The following PPFIA2 variants were observed in gnomAD, a reference collection of about 807,000 sequenced individuals.
PPFIA2 encodes liprin-alpha-2.
A neutral mutation model predicts 175.5 loss-of-function variants in PPFIA2; 46 were observed. The observed-to-expected ratio is 0.26, with a 90% CI of 0.21 to 0.34. The LOEUF (loss-of-function observed/expected upper bound fraction) is 0.34. Among genes scored for constraint, PPFIA2 ranks in the 10% least tolerant of loss-of-function variants. PPFIA2 has a pLI of 1.00. For synonymous variants in PPFIA2, 568 were observed against 511.4 expected (o/e 1.11, Z -1.49); for missense variants, 1,179 against 1,506.1 (o/e 0.78, Z 3.60).
intron 21 of PPFIA2, 65 bp downstream of exon 21, chr12:81,339,115 T>G: frequency 7.6e-7 from 1 of 1,308,224 alleles, no homozygotes; most frequent in Non-Finnish European, 1.0e-6. Context: ...AAATGAAAGA[T>G]AGATGGATAC....
intron 4 of PPFIA2, among the ~76,000 whole-genome samples, chr12:81,623,237 T>A (rs1279902201): frequency 6.6e-6 from 1 of 152,046 alleles, no homozygotes; most frequent in Non-Finnish European, 1.5e-5. Flanking sequence ...GTACGGTCCC[T>A]CAAGAGGAAT....
intron 4 of PPFIA2, among the ~76,000 whole-genome samples, chr12:81,618,058 T>G (rs1463459410): frequency 6.6e-6 from 1 of 152,172 alleles, no homozygotes; most frequent in Admixed American, 6.5e-5. Flanking sequence ...TGATTTTTTT[T>G]GCCTTGCTTT....
chr12:81,423,006 A>C (rs2046557605), intron 7 of PPFIA2, among the ~76,000 whole-genome samples: 1 of 152,198 alleles, frequency 6.6e-6, no homozygotes, highest in South Asian at 2.1e-4. Flanking sequence ...ATTATAACCC[A>C]GCAAACTGCA....
Position 81,647,293 on chromosome 12 carries a change from G to C in PPFIA2, c.303+29498C>G, listed in dbSNP as rs950027403. Among the ~76,000 whole-genome samples, 5 of 152,008 alleles carry C rather than the reference G, an allele frequency of 3.3e-5. No individual in the cohort carries two copies. In the East Asian group the frequency reaches 9.7e-4, roughly 29 times the overall value. On this transcript the variant is annotated intron_variant, in intron 4 of 32. Transcript: ENST00000549396. ...CTGAAGCATATTGAGAAACAAAATG[G>C]AAAAACAGAAAACAGAACATCTAAA...
At chr12:81,614,844 CCTT>C (rs1467295695) in intron 4 of PPFIA2, among the ~76,000 whole-genome samples, 2 of 152,056 alleles carry the variant, frequency 1.3e-5, no homozygotes, top group East Asian at 1.9e-4. Flanking sequence ...TAATGATAAA[CCTT>C]CTATTTATTC....
At chr12:81,732,464 T>A (rs1016049560) in intron 3 of PPFIA2, among the ~76,000 whole-genome samples, 9 of 150,134 alleles carry the variant, frequency 6.0e-5, no homozygotes, top group Non-Finnish European at 1.0e-4. Context: ...GATGGAATGA[T>A]TACTTTCCTG....
chr12:81,533,796 T>C (rs1054060829), intron 4 of PPFIA2, among the ~76,000 whole-genome samples: 2 of 151,250 alleles, frequency 1.3e-5, no homozygotes, highest in Non-Finnish European at 3.0e-5. Flanking sequence ...TGTGTGTATA[T>C]ATATGATAAT....
chr12:81,558,599 G>A (rs567204286), intron 4 of PPFIA2, among the ~76,000 whole-genome samples: 2 of 152,268 alleles, frequency 1.3e-5, no homozygotes, highest in East Asian at 3.9e-4. Flanking sequence ...GTAGAACAAT[G>A]CACATCAAAG....
chr12:81,309,713 C>T (rs1347892191), intron 22 of PPFIA2, among the ~76,000 whole-genome samples: 1 of 151,898 alleles, frequency 6.6e-6, no homozygotes, highest in South Asian at 2.1e-4. Flanking sequence ...ATATTTAAAC[C>T]GTTTATCTTC....
intron 4 of PPFIA2, among the ~76,000 whole-genome samples, chr12:81,607,352 G>A (rs1213990864): frequency 6.6e-6 from 1 of 152,070 alleles, no homozygotes. Flanking sequence ...GACATTGTTA[G>A]TTTGATAGAA....
At chr12:81,560,713 A>T (rs1458386262) in intron 4 of PPFIA2, among the ~76,000 whole-genome samples, 1 of 152,144 alleles carries the variant, frequency 6.6e-6, no homozygotes, top group Admixed American at 6.5e-5. Context: ...AAACACAGAA[A>T]AGCATGGAAT....
At chr12:81,450,951 C>T (rs2052454534) in intron 5 of PPFIA2, among the ~76,000 whole-genome samples, 1 of 152,090 alleles carries the variant, frequency 6.6e-6, no homozygotes, top group Non-Finnish European at 1.5e-5. Flanking sequence ...CTCAGAACTA[C>T]TGATAGAAAT....
At chr12:81,592,456 C>G (rs139620194) in intron 4 of PPFIA2, among the ~76,000 whole-genome samples, 133 of 152,274 alleles carry the variant, frequency 8.7e-4, no homozygotes, top group African/African-American at 3.1e-3. Flanking sequence ...CCATCCAAAT[C>G]TCATCTTTAA....
chr12:81,567,909 G>C (rs1242850060), intron 4 of PPFIA2, among the ~76,000 whole-genome samples: 1 of 152,162 alleles, frequency 6.6e-6, no homozygotes, highest in Non-Finnish European at 1.5e-5. Flanking sequence ...CAGAAATGTA[G>C]GTGGCCTGGC....
At chr12:81,473,738 A>G (rs951339306) in intron 4 of PPFIA2, among the ~76,000 whole-genome samples, 1 of 152,238 alleles carries the variant, frequency 6.6e-6, no homozygotes, top group Non-Finnish European at 1.5e-5. Context: ...ATCATAGTCC[A>G]AGTTAGAAAA....
At chr12:81,752,158 A>G (rs111911806) in intron 3 of PPFIA2, among the ~76,000 whole-genome samples, 7 of 152,348 alleles carry the variant, frequency 4.6e-5, no homozygotes, top group African/African-American at 1.4e-4. Context: ...CTGCTGTCCC[A>G]GTACACATTG....
intron 4 of PPFIA2, among the ~76,000 whole-genome samples, chr12:81,671,645 A>C (rs773142239): frequency 2.0e-5 from 3 of 151,972 alleles, no homozygotes; most frequent in Non-Finnish European, 4.4e-5. Context: ...TATAAAGTAC[A>C]AATTCCTTCC....
At chr12:81,394,463 T>C (rs892972701) in intron 8 of PPFIA2, among the ~76,000 whole-genome samples, 1 of 151,176 alleles carries the variant, frequency 6.6e-6, no homozygotes, top group African/African-American at 2.4e-5. Context: ...GAATCATGCA[T>C]ACAAAAAAAA....
intron 7 of PPFIA2, chr12:81,431,532 T>C (rs1278830230): frequency 6.6e-6 from 1 of 152,186 alleles, no homozygotes; most frequent in Non-Finnish European, 1.5e-5. Flanking sequence ...TCATTATGTA[T>C]ATATTTATTT....
Sources: gnomAD v4.1 joint callset for allele counts (sites outside exome capture counted in the v4.1 genomes callset) on GRCh38, gnomAD v4.1.1 for gene constraint, MANE v1.5 for transcripts, NCBI Gene and HGNC (gene_info 2026-07-23, HGNC 2026-07-21) for gene names.